The following TAPBP variants were observed in gnomAD, a reference collection of about 807,000 sequenced individuals.
TAPBP encodes the protein TAP binding protein.
TAPBP carries 38 observed loss-of-function variants against 45.7 expected under a neutral mutation model. The observed-to-expected ratio is 0.83, with a 90% CI of 0.64 to 1.09. The LOEUF (loss-of-function observed/expected upper bound fraction) is 1.09, where lower values mean the gene tolerates loss of function less well. TAPBP is among the 50% of genes least tolerant of loss of function. TAPBP has a pLI of 0.00. For missense variants in TAPBP, 513 were observed against 587.3 expected, an observed-to-expected ratio of 0.87 and a Z score of 1.31; for synonymous variants, 226 against 254.8, an observed-to-expected ratio of 0.89 and a Z score of 1.08.
intron 3 of TAPBP, among the ~76,000 whole-genome samples, chr6:33,310,935 C>G (rs753634796): frequency 6.6e-6 from 1 of 152,176 alleles, no homozygotes. Flanking sequence ...TGATCTTGGA[C>G]CCTGGAGAGA....
At position 33,313,825 on chromosome 6, in the gene TAPBP, T is replaced by A. The variant is rs1286910456; in HGVS notation, c.77A>T (p.Glu26Val). ...GCTCGCATCCTCCACGAACCAACAC[T>A]CGATCACCGCGGGTCCTGCTGAGAC... Reference protein sequence around the residue: ...TAVSAGPAVIECWFVEDASGK... With the variant: ...TAVSAGPAVIVCWFVEDASGK... The change falls in exon 2 of 8, where the codon GAG becomes GTG. Residue 26 changes from glutamate (E) to valine (V), a missense_variant. Transcript: ENST00000434618. This position sits in a 1 kb window ranked among gnomAD's most constrained non-coding sequence, Gnocchi z 7.2. 6.2e-7 allele frequency: 1 copy of A among 1,613,534 alleles called. No homozygotes were observed. Among genetic ancestry groups the A allele is most frequent in the South Asian group, 1.1e-5 (1 of 91,070 alleles).
rs1375620931 is a variant in TAPBP at position 33,313,508 on chromosome 6, G to C, written c.209-31C>G. 6 of 1,526,214 alleles carry C rather than the reference G, an allele frequency of 3.9e-6. No individual in the cohort carries two copies. The highest frequency in any genetic ancestry group is 3.5e-6 in the Non-Finnish European group (4 of 1,134,218). The allele number at this position is 1,526,214 out of a possible 1,614,324, so 94.5% of individuals were successfully genotyped here. On this transcript the variant is annotated intron_variant, in intron 2 of 7. Transcript: ENST00000434618. The surrounding 1 kb of genome is among the most constrained non-coding windows in gnomAD (Gnocchi z 7.2). ...TGTAGAGAAGGAAGTTGCAGCTGTA[G>C]AGTCACCGCCGGGAAAGGGGCTGGA...
At position 33,313,721 on chromosome 6, in the gene TAPBP, C is replaced by G; in HGVS notation, c.181G>C (p.Asp61His). The G allele has an allele frequency of 6.2e-7, 1 of 1,613,270 alleles. No individual in the cohort carries two copies. Among genetic ancestry groups the G allele is most frequent in the Non-Finnish European group, 8.5e-7 (1 of 1,179,890 alleles). ...PGEPPPRPDLDPELYLSVHDP... is the reference protein window; with the variant it reads ...PGEPPPRPDLHPELYLSVHDP... ...TGTACACTGAGATAGAGCTCAGGGT[C>G]GAGGTCCGGCCGGGGCGGCGGTTCC... Residue 61 changes from aspartate (D) to histidine (H), a missense_variant, in exon 2 of 8, where the codon GAC (aspartate) becomes CAC (histidine). Transcript: ENST00000434618. This position sits in a 1 kb window ranked among gnomAD's most constrained non-coding sequence, Gnocchi z 7.2.
intron 6 of TAPBP, 27 bp downstream of exon 6, chr6:33,304,100 TC>T (rs1408523926): frequency 6.2e-7 from 1 of 1,611,466 alleles, no homozygotes; most frequent in Admixed American, 1.7e-5. Flanking sequence ...CAACCTCAGG[TC>T]ATGGTCAGGG....
In TAPBP at chr6:33,306,660, G is replaced by A. The variant is rs542725925; in HGVS notation, c.470-1273C>T. Reference sequence around the variant, plus strand: ...AGCCAAACAAAGTGACTACAAGTCTGATCCCATCACCTACCTGTTTAAAAA... The same window carrying A: ...AGCCAAACAAAGTGACTACAAGTCTAATCCCATCACCTACCTGTTTAAAAA... On this transcript the variant is annotated intron_variant, in intron 3 of 7. Transcript: ENST00000434618. Among the ~76,000 whole-genome samples the A allele has an allele frequency of 2.6e-5, 4 of 152,274 alleles. No individual in the cohort carries two copies. The South Asian group carries it at 6.2e-4, about 24-fold the overall frequency.
chr6:33,312,079 C>T (rs1371148585), intron 3 of TAPBP, among the ~76,000 whole-genome samples: 1 of 152,228 alleles, frequency 6.6e-6, no homozygotes, highest in Non-Finnish European at 1.5e-5. Flanking sequence ...ATAGTATCCA[C>T]ATTTTACAGT....
At chr6:33,310,569 C>T (rs1769278483) in intron 3 of TAPBP, among the ~76,000 whole-genome samples, 1 of 145,432 alleles carries the variant, frequency 6.9e-6, no homozygotes, top group Non-Finnish European at 1.5e-5. Flanking sequence ...GTAATCCCAG[C>T]AGTTTCGGAG....
intron 3 of TAPBP, among the ~76,000 whole-genome samples, chr6:33,308,925 G>T (rs1769152738): frequency 6.6e-6 from 1 of 152,092 alleles, no homozygotes; most frequent in Admixed American, 6.6e-5. Context: ...TCAGGTAGAA[G>T]TAATCTTTTT....
intron 3 of TAPBP, among the ~76,000 whole-genome samples, chr6:33,310,438 A>G: frequency 6.7e-6 from 1 of 148,754 alleles, no homozygotes; most frequent in Non-Finnish European, 1.5e-5. Flanking sequence ...CTCAGGAGGC[A>G]GAAGTTGAAA....
Position 33,305,138 on chromosome 6 carries a change from G to C in TAPBP, c.719C>G (p.Ala240Gly). ...GCCCCATGGCTCATCATCATCCCAA[G>C]CAGCAAATGCCACGGCCCCTTCTTG... is the stretch of plus-strand genomic sequence containing the variant. ...AAQEGAVAFAAWDDDEPWGPW... is the reference protein window; with the variant it reads ...AAQEGAVAFAGWDDDEPWGPW... The change falls in exon 4 of 8, where the codon GCT becomes GGT. Residue 240 changes from alanine (A) to glycine (G), a missense_variant. By Grantham distance (60) the Ala-to-Gly change is moderately conservative. Coordinates refer to ENST00000434618, the MANE Select transcript of TAPBP (RefSeq NM_003190.5). The surrounding 1 kb of genome is among the most constrained non-coding windows in gnomAD (Gnocchi z 4.4). The C allele has an allele frequency of 6.2e-7, 1 of 1,614,192 alleles. No homozygotes were observed. The highest frequency in any genetic ancestry group is 1.1e-5 in the South Asian group (1 of 91,090).
intron 3 of TAPBP, among the ~76,000 whole-genome samples, chr6:33,308,649 A>T (rs1214172171): frequency 6.6e-6 from 1 of 152,184 alleles, no homozygotes; most frequent in African/African-American, 2.4e-5. Flanking sequence ...CCTCCAGCCC[A>T]GGGACCACAT....
Position 33,304,971 on chromosome 6 carries a change from C to T in TAPBP, c.868+18G>A, listed in dbSNP as rs759935763. On this transcript the variant is annotated intron_variant, in intron 4 of 7. Coordinates refer to ENST00000434618, the MANE Select transcript of TAPBP (RefSeq NM_003190.5). Reference sequence around the variant, plus strand: ...GTGCCCACCCTCTACCCCTGGAGACCTCTGTCCCCCAACTCACTGTACACA... The same window carrying T: ...GTGCCCACCCTCTACCCCTGGAGACTTCTGTCCCCCAACTCACTGTACACA... The T allele has an allele frequency of 6.2e-7, 1 of 1,612,782 alleles. No individual in the cohort carries two copies. The highest frequency in any genetic ancestry group is 8.5e-7 in the Non-Finnish European group (1 of 1,179,122).
chr6:33,303,676 G>A, intron 7 of TAPBP: 1 of 1,425,500 alleles, frequency 7.0e-7, no homozygotes, highest in Non-Finnish European at 9.5e-7. Flanking sequence ...GTGAGTACTA[G>A]AGTATTTAAA....
rs201074090 is a variant in TAPBP, at chr6:33,304,481, C to T, written c.1026G>A (p.Lys342=). The stretch of plus-strand genomic sequence containing the variant: ...CCGAGAGCCACCTCTGCCCCTCGGC[C>T]TTCTGAGAGCGGCCCCCTGGGCCAC... The part of the protein sequence containing the change: ...LRGGPGGRSQ[K]AEGQRWLSAL... The change falls in exon 5 of 8, where the codon AAG becomes AAA. Residue 342 remains lysine (K), a synonymous_variant. Transcript: ENST00000434618. 7.5e-5 allele frequency: 121 copies of T among 1,612,894 alleles called. No individual in the cohort carries two copies. Among genetic ancestry groups the T allele is most frequent in the Non-Finnish European group, 1.0e-4 (119 of 1,179,582 alleles).
Position 33,304,977 on chromosome 6 carries a change from C to T in TAPBP, c.868+12G>A. ...ACCCTCTACCCCTGGAGACCTCTGT[C>T]CCCCAACTCACTGTACACAGCAAGC... On this transcript the variant is annotated intron_variant, in intron 4 of 7. Coordinates refer to ENST00000434618, the MANE Select transcript of TAPBP (RefSeq NM_003190.5). 6.2e-7 allele frequency: 1 copy of T among 1,613,302 alleles called. No homozygotes were observed. The highest frequency in any genetic ancestry group is 1.3e-5 in the African/African-American group (1 of 75,012).
Position 33,304,552 on chromosome 6 carries a change from G to A in TAPBP, c.955C>T (p.His319Tyr). ...APPELLCLVS[H>Y]FYPSGGLEVE... Reference sequence around the variant, plus strand: ...TCCAGGCCCCCAGAAGGGTAGAAGTGGGACACAAGGCAGAGCAATTCCGGG... The same window carrying A: ...TCCAGGCCCCCAGAAGGGTAGAAGTAGGACACAAGGCAGAGCAATTCCGGG... The change falls in exon 5 of 8, where the codon CAC (histidine) becomes TAC (tyrosine). Residue 319 changes from histidine (H) to tyrosine (Y), a missense_variant. Coordinates refer to ENST00000434618, the MANE Select transcript of TAPBP (RefSeq NM_003190.5). The A allele has an allele frequency of 1.2e-6, 2 of 1,610,082 alleles. No individual in the cohort carries two copies. The highest frequency in any genetic ancestry group is 1.3e-5 in the African/African-American group (1 of 75,044).
At chr6:33,301,839 T>C in intron 7 of TAPBP, 68 bp from the exon 8 acceptor site, 1 of 1,610,826 alleles carries the variant, frequency 6.2e-7, no homozygotes, top group Non-Finnish European at 8.5e-7. Flanking sequence ...ATGGTCAGTT[T>C]AGAGACATAT....
chr6:33,314,050 G>A lies in TAPBP; in HGVS notation c.-9C>T, dbSNP rs1171131413. 6.2e-7 allele frequency: 1 copy of A among 1,613,806 alleles called. No homozygotes were observed. Among genetic ancestry groups the A allele is most frequent in the Non-Finnish European group, 8.5e-7 (1 of 1,179,964 alleles). On this transcript the variant is annotated 5_prime_UTR_variant, in exon 1 of 8. Coordinates refer to ENST00000434618, the MANE Select transcript of TAPBP (RefSeq NM_003190.5). ...AGAGACAGGGACTTCATGGCGCTGC[G>A]ACCTCCTCAGCCATGAAGCCTCCTC...
At chr6:33,311,986 T>C (rs1384901853) in intron 3 of TAPBP, among the ~76,000 whole-genome samples, 1 of 152,234 alleles carries the variant, frequency 6.6e-6, no homozygotes, top group South Asian at 2.1e-4. Flanking sequence ...TCATTCTTGG[T>C]GCTAAAAAGT....
Sources: allele counts gnomAD v4.1 joint callset (sites outside exome capture counted in the v4.1 genomes callset), GRCh38; gene constraint gnomAD v4.1.1; non-coding constraint Gnocchi (gnomAD v3.1); transcripts MANE v1.5; gene names NCBI Gene and HGNC (gene_info 2026-07-23, HGNC 2026-07-21).